The following GTF2E2 variants were observed in gnomAD, a reference collection of about 807,000 sequenced individuals.
The protein encoded by GTF2E2 is transcription initiation factor IIE subunit beta.
GTF2E2 carries 21 observed loss-of-function variants against 40.5 expected under a neutral mutation model. The ratio of observed to expected loss-of-function variants is 0.52; its 90% CI spans 0.37 to 0.75. The LOEUF is 0.75. Among genes scored for constraint, GTF2E2 ranks in the 30% least tolerant of loss-of-function variants. The pLI is 0.00. For synonymous variants in GTF2E2, 117 were observed against 121.6 expected (o/e 0.96, Z 0.25); for missense variants, 298 against 338.4 (o/e 0.88, Z 0.94).
At chr8:30,614,911 A>AGCCCTTTAGTTTAATTAGATCC (rs1800870790) in intron 3 of GTF2E2, among the ~76,000 whole-genome samples, 196 bp from the exon 4 acceptor site, 1 of 152,100 alleles carries the variant, frequency 6.6e-6, no homozygotes, top group African/African-American at 2.4e-5. Flanking sequence ...CAAAAGACAA[A>AGCCCTTTAGTTTAATTAGATCC]CTGACAAAAA....
At chr8:30,628,360 C>T (rs1801345115) in intron 3 of GTF2E2, among the ~76,000 whole-genome samples, 2 of 152,204 alleles carry the variant, frequency 1.3e-5, no homozygotes, top group South Asian at 4.1e-4. Context: ...ACACAAAGAG[C>T]AGGCTAATAA....
rs370220215 is a variant in GTF2E2, at chr8:30,580,309, G to T, written c.731C>A (p.Ser244Tyr). ...EEYLKRQGIS[S>Y]MQESGPKKVA... The stretch of plus-strand genomic sequence containing the variant: ...TTTCTTTGGTCCAGATTCCTGCATG[G>T]AAGAAATACCCTGTCGCTTCAGATA... Residue 244 changes from serine to tyrosine, a missense_variant, in exon 7 of 8, where the codon TCC (serine) becomes TAC (tyrosine). By Grantham distance (144) the Ser-to-Tyr change is moderately radical. Transcript: ENST00000355904. 9.1e-5 allele frequency: 146 copies of T among 1,606,538 alleles called. No homozygotes were observed. The highest frequency in any genetic ancestry group is 1.2e-4 in the Non-Finnish European group (141 of 1,173,142).
chr8:30,643,808 A>G (rs1467462973), intron 2 of GTF2E2: 1 of 152,058 alleles, frequency 6.6e-6, no homozygotes, highest in Admixed American at 6.5e-5. Context: ...AAGGCTAGTA[A>G]GAAAGAAAAA....
At chr8:30,642,997 T>C (rs1320305995) in intron 2 of GTF2E2, among the ~76,000 whole-genome samples, 1 of 152,210 alleles carries the variant, frequency 6.6e-6, no homozygotes. Flanking sequence ...TTGCCCACGC[T>C]GGAGTGCAAT....
chr8:30,630,956 G>T (rs1193153384), intron 3 of GTF2E2, among the ~76,000 whole-genome samples: 1 of 151,978 alleles, frequency 6.6e-6, no homozygotes. Context: ...GCTCTTAGGG[G>T]ACAGTATGAT....
At chr8:30,613,241 T>C (rs1800791658) in intron 4 of GTF2E2, among the ~76,000 whole-genome samples, 1 of 152,222 alleles carries the variant, frequency 6.6e-6, no homozygotes, top group Admixed American at 6.5e-5. Context: ...TACTAGTCAA[T>C]GGTCTTCCCC....
intron 6 of GTF2E2, among the ~76,000 whole-genome samples, chr8:30,590,168 CAT>C (rs1207002452): frequency 6.6e-6 from 1 of 152,190 alleles, no homozygotes; most frequent in South Asian, 2.1e-4. Context: ...ATATCATAAA[CAT>C]ATAAATAAAA....
At chr8:30,621,192 C>A (rs1740860526) in intron 3 of GTF2E2, among the ~76,000 whole-genome samples, 1 of 151,832 alleles carries the variant, frequency 6.6e-6, no homozygotes, top group African/African-American at 2.4e-5. Context: ...ACCAAAAGGC[C>A]AACCTAACCT....
At chr8:30,630,508 A>C (rs551534718) in intron 3 of GTF2E2, among the ~76,000 whole-genome samples, 1 of 152,276 alleles carries the variant, frequency 6.6e-6, no homozygotes, top group African/African-American at 2.4e-5. Context: ...CTTTCTTTCT[A>C]AAGGTACACA....
At position 30,653,482 on chromosome 8, in the gene GTF2E2, C is replaced by G. The variant is rs1413140154; in HGVS notation, c.117G>C (p.Lys39Asn). Residue 39 changes from lysine to asparagine, a missense_variant, in exon 2 of 8, where the codon AAG becomes AAC. Transcript: ENST00000355904. ...SESSSSSSKKKKTKVEHGGSS... is the reference protein window; with the variant it reads ...SESSSSSSKKNKTKVEHGGSS... ...ATCCTCCATGTTCTACCTTTGTTTT[C>G]TTCTTCTTTGACGATGATGATGATG... is the stretch of plus-strand genomic sequence containing the variant. 1 of 1,613,776 alleles carries G rather than the reference C, an allele frequency of 6.2e-7. No homozygotes were observed. Among genetic ancestry groups the G allele is most frequent in the Admixed American group, 1.7e-5 (1 of 59,988 alleles).
chr8:30,655,198 A>AG (rs1272781903), intron 1 of GTF2E2, among the ~76,000 whole-genome samples: 3 of 148,694 alleles, frequency 2.0e-5, no homozygotes, highest in Non-Finnish European at 4.5e-5. Flanking sequence ...CTCTGTCTCA[A>AG]AAAAAAAAAA....
chr8:30,609,921 G>A (rs1189218748), intron 5 of GTF2E2, among the ~76,000 whole-genome samples: 2 of 152,156 alleles, frequency 1.3e-5, no homozygotes, highest in Non-Finnish European at 2.9e-5. Context: ...CTTCTGCCAT[G>A]ATTATAAGTT....
intron 6 of GTF2E2, among the ~76,000 whole-genome samples, chr8:30,595,551 C>T (rs1114279): frequency 0.22 from 33,758 of 152,068 alleles, 4,297 homozygotes; most frequent in South Asian, 0.39. Context: ...TTATTTTTGC[C>T]GGATGCAGTT....
At chr8:30,583,774 G>C (rs1461056065) in intron 6 of GTF2E2, among the ~76,000 whole-genome samples, 1 of 151,746 alleles carries the variant, frequency 6.6e-6, no homozygotes, top group Non-Finnish European at 1.5e-5. Flanking sequence ...AATCCATGAC[G>C]ATCAGTATTT....
intron 6 of GTF2E2, among the ~76,000 whole-genome samples, chr8:30,583,194 C>T (rs1207647393): frequency 1.3e-5 from 2 of 152,106 alleles, no homozygotes; most frequent in Non-Finnish European, 2.9e-5. Flanking sequence ...ATTAGCTGGG[C>T]ATGGCAGTGG....
Position 30,645,359 on chromosome 8 carries a change from T to C in GTF2E2, c.166+8074A>G, listed in dbSNP as rs1219474559. Reference sequence around the variant, plus strand: ...ACCACTACCTCTGTTTATCAGTACCTTGGTTTTCAAGTTCAAAAAATTTAC... The same window carrying C: ...ACCACTACCTCTGTTTATCAGTACCCTGGTTTTCAAGTTCAAAAAATTTAC... On this transcript the variant is annotated intron_variant, in intron 2 of 7. Transcript: ENST00000355904. 1.8e-5 allele frequency: 27 copies of C among 1,535,584 alleles called. No homozygotes were observed. Among genetic ancestry groups the C allele is most frequent in the African/African-American group, 2.7e-5 (2 of 73,060 alleles).
chr8:30,631,557 T>C (rs1434650351), intron 3 of GTF2E2, among the ~76,000 whole-genome samples: 2 of 152,212 alleles, frequency 1.3e-5, no homozygotes, highest in Non-Finnish European at 2.9e-5. Flanking sequence ...TTTTGTCAAA[T>C]CGTATCATTA....
chr8:30,644,756 T>C (rs1802001398), intron 2 of GTF2E2, among the ~76,000 whole-genome samples: 1 of 152,022 alleles, frequency 6.6e-6, no homozygotes, highest in Non-Finnish European at 1.5e-5. Flanking sequence ...ATGAATTTTT[T>C]TTTTTTTTTT....
In GTF2E2 at chr8:30,623,350, C is replaced by T. The variant is rs1801169978; in HGVS notation, c.259-8635G>A. Among the ~76,000 whole-genome samples the T allele has an allele frequency of 1.3e-5, 2 of 152,070 alleles. 1 individual carries two copies. Among genetic ancestry groups the T allele is most frequent in the African/African-American group, 4.8e-5 (2 of 41,342 alleles). Reference sequence around the variant, plus strand: ...TGAGAATGATGGTTTCCAGCTTCATCCATGTCCCTACAAAGGACATGAACT... The same window carrying T: ...TGAGAATGATGGTTTCCAGCTTCATTCATGTCCCTACAAAGGACATGAACT... On this transcript the variant is annotated intron_variant, in intron 3 of 7. Transcript: ENST00000355904.
Sources: gnomAD v4.1 joint callset for allele counts (sites outside exome capture counted in the v4.1 genomes callset) on GRCh38, gnomAD v4.1.1 for gene constraint, MANE v1.5 for transcripts, NCBI Gene and HGNC (gene_info 2026-07-23, HGNC 2026-07-21) for gene names.